The following GNAQ variants were observed in gnomAD, a reference collection of about 807,000 sequenced individuals.
GNAQ encodes the protein guanine nucleotide-binding protein G(q) subunit alpha.
Under a neutral mutation model 43.9 loss-of-function variants are expected in GNAQ, and 8 were observed. That is an observed-to-expected ratio of 0.18 (90% CI 0.11 to 0.33). GNAQ has a LOEUF of 0.33. Among genes scored for constraint, GNAQ ranks in the 10% least tolerant of loss-of-function variants. The pLI is 1.00. For missense variants in GNAQ, 158 were observed against 450.8 expected, an observed-to-expected ratio of 0.35 and a Z score of 5.88; for synonymous variants, 155 against 170.7, an observed-to-expected ratio of 0.91 and a Z score of 0.71.
intron 1 of GNAQ, among the ~76,000 whole-genome samples, chr9:77,925,202 T>G (rs1308742910): frequency 6.6e-6 from 1 of 152,154 alleles, no homozygotes; most frequent in African/African-American, 2.4e-5. Flanking sequence ...AGTGTGCTGT[T>G]CGTTTCCTTC....
intron 5 of GNAQ, among the ~76,000 whole-genome samples, chr9:77,784,950 G>A (rs1826453912): frequency 6.6e-6 from 1 of 152,186 alleles, no homozygotes; most frequent in Non-Finnish European, 1.5e-5. Flanking sequence ...CGCTGTCTAA[G>A]GTATGGATCA....
chr9:77,833,060 G>A (rs1481931663), intron 2 of GNAQ, among the ~76,000 whole-genome samples: 2 of 152,066 alleles, frequency 1.3e-5, no homozygotes, highest in Non-Finnish European at 2.9e-5. Flanking sequence ...TCTGCCTCCC[G>A]GGTTCAAGCA....
chr9:77,951,979 C>T (rs1822984228), intron 1 of GNAQ, among the ~76,000 whole-genome samples: 1 of 152,194 alleles, frequency 6.6e-6, no homozygotes, highest in African/African-American at 2.4e-5. Context: ...AATGTCTGCT[C>T]CTTACCCTCA....
intron 5 of GNAQ, among the ~76,000 whole-genome samples, chr9:77,760,326 CCTG>C (rs1825976104): frequency 6.6e-6 from 1 of 152,084 alleles, no homozygotes; most frequent in South Asian, 2.1e-4. Context: ...CCTGCCTCAG[CCTG>C]CTGAGTGCCT....
chr9:77,821,606 C>T (rs1827113756), intron 2 of GNAQ, among the ~76,000 whole-genome samples: 1 of 151,976 alleles, frequency 6.6e-6, no homozygotes, highest in Non-Finnish European at 1.5e-5. Context: ...TTACATAATT[C>T]CATTACAAAG....
intron 5 of GNAQ, among the ~76,000 whole-genome samples, chr9:77,788,348 G>A (rs138882972): frequency 1.7e-3 from 256 of 152,204 alleles, no homozygotes; most frequent in African/African-American, 5.9e-3. Context: ...ACAGAGTCAT[G>A]TGTAGCAACA....
chr9:77,978,916 C>T (rs910485308), intron 1 of GNAQ, among the ~76,000 whole-genome samples: 18 of 152,004 alleles, frequency 1.2e-4, no homozygotes, highest in African/African-American at 4.8e-5. Flanking sequence ...ATCAGCCGGG[C>T]GTGGTGGCAC....
At chr9:77,767,280 G>C (rs10869968) in intron 5 of GNAQ, among the ~76,000 whole-genome samples, 1 of 151,588 alleles carries the variant, frequency 6.6e-6, no homozygotes, top group Admixed American at 6.6e-5. Flanking sequence ...GCCGCAAGAG[G>C]TTCAGCAGCA....
intron 3 of GNAQ, among the ~76,000 whole-genome samples, chr9:77,809,263 C>T (rs975939629): frequency 5.3e-5 from 8 of 152,286 alleles, no homozygotes; most frequent in South Asian, 4.1e-4. Context: ...GAGGGGAATT[C>T]GGTGAAGTAA....
At chr9:77,930,753 T>C (rs996408780) in intron 1 of GNAQ, among the ~76,000 whole-genome samples, 1 of 152,114 alleles carries the variant, frequency 6.6e-6, no homozygotes, top group East Asian at 1.9e-4. Flanking sequence ...TTTTTTCATA[T>C]CCTCTAATGT....
chr9:77,822,910 C>T (rs956876397), intron 2 of GNAQ, among the ~76,000 whole-genome samples: 11 of 151,424 alleles, frequency 7.3e-5, no homozygotes, highest in South Asian at 4.1e-4. Context: ...CTATGAAAAA[C>T]GGTAATGAAG....
intron 5 of GNAQ, among the ~76,000 whole-genome samples, chr9:77,763,331 A>AT (rs993302437): frequency 3.3e-5 from 5 of 152,160 alleles, no homozygotes; most frequent in African/African-American, 9.7e-5. Flanking sequence ...TGATGATAAT[A>AT]TTTTTTGTGT....
chr9:77,912,616 T>C (rs7028873), intron 2 of GNAQ, among the ~76,000 whole-genome samples: 87,543 of 151,914 alleles, frequency 0.58, 27,263 homozygotes, highest in South Asian at 0.72. Context: ...AGCCACAAAA[T>C]AGACATCTGT....
chr9:77,877,390 C>G (rs548207564), intron 2 of GNAQ, among the ~76,000 whole-genome samples: 1 of 152,076 alleles, frequency 6.6e-6, no homozygotes, highest in Non-Finnish European at 1.5e-5. Flanking sequence ...CATGTAATGA[C>G]GAGAATAGGT....
chr9:77,745,726 A>T (rs1825718614), intron 5 of GNAQ, among the ~76,000 whole-genome samples: 1 of 151,614 alleles, frequency 6.6e-6, no homozygotes, highest in Middle Eastern at 3.2e-3. Flanking sequence ...AAATAAAAAA[A>T]TTTTAAAAAA....
At chr9:77,858,249 A>G (rs188686161) in intron 2 of GNAQ, among the ~76,000 whole-genome samples, 13 of 152,266 alleles carry the variant, frequency 8.5e-5, no homozygotes, top group Non-Finnish European at 1.5e-4. Flanking sequence ...ATCCTCCAGC[A>G]CTGGGATTCC....
At chr9:77,775,210 TAAC>T (rs1244919777) in intron 5 of GNAQ, among the ~76,000 whole-genome samples, 2 of 152,186 alleles carry the variant, frequency 1.3e-5, no homozygotes, top group African/African-American at 4.8e-5. Flanking sequence ...TTTTCATTGT[TAAC>T]AACTTTGAGC....
chr9:77,749,664 T>C (rs1282794381), intron 5 of GNAQ, among the ~76,000 whole-genome samples: 1 of 152,208 alleles, frequency 6.6e-6, no homozygotes. Flanking sequence ...TAAAATAATG[T>C]TTTCAAACTA....
At chr9:78,000,295 T>C (rs1009264840) in intron 1 of GNAQ, among the ~76,000 whole-genome samples, 13 of 152,260 alleles carry the variant, frequency 8.5e-5, no homozygotes, top group African/African-American at 3.1e-4. Flanking sequence ...AACACATCAG[T>C]CCTCTGGTAA....
Sources: gnomAD v4.1 joint callset for allele counts (sites outside exome capture counted in the v4.1 genomes callset) on GRCh38, gnomAD v4.1.1 for gene constraint, MANE v1.5 for transcripts, NCBI Gene and HGNC (gene_info 2026-07-23, HGNC 2026-07-21) for gene names.